Variants in GOLGA8S observed in about 807,000 individuals in gnomAD.
The protein encoded by GOLGA8S is golgin A8 family member S.
A neutral mutation model predicts 58.9 loss-of-function variants in GOLGA8S; 23 were observed. That is an observed-to-expected ratio of 0.39 (90% confidence interval 0.28 to 0.55). The LOEUF (loss-of-function observed/expected upper bound fraction) is 0.55. Ranked by LOEUF, GOLGA8S falls within the 20% of genes least tolerant of loss-of-function variation. The pLI is 0.63. For missense variants in GOLGA8S, 266 were observed against 514.2 expected (o/e 0.52, Z 4.67); for synonymous variants, 84 against 195.7 (o/e 0.43, Z 4.76).
At chr15:23,368,111 A>G (rs535816353), downstream of GOLGA8S, among the ~76,000 whole-genome samples, 60 of 152,114 alleles carry the variant, frequency 3.9e-4, 2 homozygotes, top group Admixed American at 1.2e-3. Context: ...TATAAAAGAA[A>G]GAAACAGTGG....
exon 16 of GOLGA8S, chr15:23,364,407 T>G: frequency 1.2e-6 from 2 of 1,604,406 alleles, no homozygotes; most frequent in South Asian, 1.1e-5. Flanking sequence ...AAACAAGAAC[T>G]TCGCTTCATT....
chr15:23,361,854 C>G (rs1371854834), intron 13 of GOLGA8S, 62 bp downstream of exon 13: 1 of 779,578 alleles, frequency 1.3e-6, no homozygotes, highest in East Asian at 2.5e-5. Flanking sequence ...GGGCACCAGC[C>G]TCTGGGGAGG....
At chr15:23,358,217 C>G (rs1290104724) in intron 4 of GOLGA8S, among the ~76,000 whole-genome samples, 3 of 152,396 alleles carry the variant, frequency 2.0e-5, no homozygotes, top group East Asian at 1.9e-4. Context: ...AACTCCATCT[C>G]TAGAGGTTTA....
At position 23,361,411 on chromosome 15, in the gene GOLGA8S, G is replaced by C. The variant is rs764590766; in HGVS notation, c.1065G>C (p.Glu355Asp). Residue 355 changes from glutamate (E) to aspartate (D), a missense_variant, in exon 12 of 19, where the codon GAG (glutamate) becomes GAC (aspartate). Coordinates refer to ENST00000562295, the Ensembl canonical transcript of GOLGA8S. ...AGGAGAGGCTTCCAGAGCAGGAGGA[G>C]AGGCTTCAGCAGCTGGCCGAGCCAC... 51 of 946,252 alleles carry C rather than the reference G, an allele frequency of 5.4e-5. 3 individuals are homozygous for C. In the South Asian group the frequency reaches 6.5e-4, roughly 12 times the overall value. The allele number at this position is 946,252 out of a possible 1,614,324, so 58.6% of individuals were successfully genotyped here. A position where few individuals can be genotyped will look rare whatever the true frequency, so the allele number is the denominator to read the frequency against.
intron 4 of GOLGA8S, among the ~76,000 whole-genome samples, chr15:23,358,260 G>C (rs2141022211): frequency 6.6e-6 from 1 of 152,418 alleles, no homozygotes; most frequent in East Asian, 1.9e-4. Flanking sequence ...TCCAGATTCA[G>C]ACCTTCAGTT....
chr15:23,366,112 T>C (rs1300532448), downstream of GOLGA8S: 2 of 151,572 alleles, frequency 1.3e-5, no homozygotes, highest in Non-Finnish European at 2.9e-5. Flanking sequence ...AGGGCACTGG[T>C]TGGCATTCTT....
At chr15:23,367,026 ACT>A (rs1279244911), downstream of GOLGA8S, 1 of 143,570 alleles carries the variant, frequency 7.0e-6, no homozygotes, top group African/African-American at 2.6e-5. Flanking sequence ...ACTTCAACTG[ACT>A]CTTCCAAATT....
downstream of GOLGA8S, chr15:23,365,514 A>G (rs2069906083): frequency 3.0e-6 from 1 of 335,494 alleles, no homozygotes; most frequent in African/African-American, 2.2e-5. Flanking sequence ...CAGCATGTAT[A>G]TTCACTACAG....
exon 19 of GOLGA8S, chr15:23,365,046 T>G (rs1296101259): frequency 6.3e-7 from 1 of 1,581,108 alleles, no homozygotes; most frequent in East Asian, 2.2e-5. Context: ...CAGCCGATCG[T>G]GCAGGACCAC....
At position 23,364,137 on chromosome 15, in the gene GOLGA8S, G is replaced by A. The variant is rs1472814434; in HGVS notation, c.1348-206G>A. The stretch of plus-strand genomic sequence containing the variant: ...AGCGCCTGGCTCACCTGGTGGCCTC[G>A]GCCCAGAAGGAGCCAGAGGCAGCCA... On this transcript the variant is annotated intron_variant, in intron 15 of 18. Coordinates refer to ENST00000562295, the Ensembl canonical transcript of GOLGA8S. Among the ~76,000 whole-genome samples, 7 of 137,864 alleles carry A rather than the reference G, an allele frequency of 5.1e-5. 1 individual carries two copies. Among genetic ancestry groups the A allele is most frequent in the African/African-American group, 1.8e-4 (7 of 39,546 alleles). The allele number at this position is 137,864 out of a possible 152,430, so 90.4% of individuals were successfully genotyped here. A position where few individuals can be genotyped will look rare whatever the true frequency, so the allele number is the denominator to read the frequency against.
downstream of GOLGA8S, among the ~76,000 whole-genome samples, chr15:23,368,103 T>C (rs1270268126): frequency 6.6e-6 from 1 of 151,860 alleles, no homozygotes; most frequent in Non-Finnish European, 1.5e-5. Context: ...TACTATAGTA[T>C]AAAAGAAAGA....
chr15:23,368,200 G>A (rs1375736003), downstream of GOLGA8S, among the ~76,000 whole-genome samples: 2 of 151,962 alleles, frequency 1.3e-5, no homozygotes, highest in East Asian at 3.8e-4. Context: ...AATTTTACCA[G>A]TTTGTGAATT....
At chr15:23,365,144 T>C (rs1401431972), downstream of GOLGA8S, 1 of 1,586,220 alleles carries the variant, frequency 6.3e-7, no homozygotes, top group Non-Finnish European at 8.5e-7. Flanking sequence ...AACATCACCA[T>C]CATCAAAGAG....
intron 8 of GOLGA8S, among the ~76,000 whole-genome samples, chr15:23,359,720 A>G: frequency 7.0e-6 from 1 of 143,022 alleles, no homozygotes; most frequent in East Asian, 2.0e-4. Flanking sequence ...CAAAAAGTGA[A>G]CAAAAGATTA....
downstream of GOLGA8S, among the ~76,000 whole-genome samples, chr15:23,368,024 A>C (rs900567327): frequency 3.9e-5 from 6 of 151,950 alleles, no homozygotes; most frequent in Admixed American, 3.3e-4. Context: ...TTTTAAAATA[A>C]TATAACTATT....
chr15:23,355,078 C>T (rs531375291), intron 1 of GOLGA8S, among the ~76,000 whole-genome samples, 185 bp downstream of exon 1: 10 of 76,324 alleles, frequency 1.3e-4, no homozygotes, highest in African/African-American at 5.0e-4. Flanking sequence ...AGCCCAGTCT[C>T]TGCCCTCACC....
downstream of GOLGA8S, chr15:23,366,204 A>G (rs1230873673): frequency 4.0e-5 from 6 of 151,628 alleles, no homozygotes; most frequent in Non-Finnish European, 5.9e-5. Context: ...TCTAGTCAAG[A>G]ATGAATTAGA....
chr15:23,357,817 C>T (rs1335168303), intron 4 of GOLGA8S, among the ~76,000 whole-genome samples, 198 bp downstream of exon 4: 1 of 149,694 alleles, frequency 6.7e-6, no homozygotes. Context: ...TGACTCTCCC[C>T]TCTCCAGATG....
Position 23,361,164 on chromosome 15 carries a change from C to G in GOLGA8S, c.875-57C>G. 8 of 950,160 alleles carry G rather than the reference C, an allele frequency of 8.4e-6. 1 individual carries two copies. Among genetic ancestry groups the G allele is most frequent in the South Asian group, 3.4e-5 (2 of 58,698 alleles). The allele number at this position is 950,160 out of a possible 1,614,324, so 58.9% of individuals were successfully genotyped here. A position where few individuals can be genotyped will look rare whatever the true frequency, so the allele number is the denominator to read the frequency against. ...CTTTTCTTTTCTTTTCTTTTCTTTT[C>G]TTTTCTTTTTTTTTTTTTGGAATCC... is the stretch of plus-strand genomic sequence containing the variant. On this transcript the variant is annotated intron_variant, in intron 11 of 18. Coordinates refer to ENST00000562295, the Ensembl canonical transcript of GOLGA8S.
Sources: allele counts gnomAD v4.1 joint callset (sites outside exome capture counted in the v4.1 genomes callset), GRCh38; gene constraint gnomAD v4.1.1; transcripts MANE v1.5; gene names NCBI Gene and HGNC (gene_info 2026-07-23, HGNC 2026-07-21).